The following ALK variants were observed in gnomAD, a reference collection of about 807,000 sequenced individuals.
The protein encoded by ALK is ALK receptor tyrosine kinase.
A neutral mutation model predicts 163.1 loss-of-function variants in ALK; 74 were observed. The observed-to-expected ratio is 0.45, with a 90% CI of 0.38 to 0.55. ALK has a LOEUF of 0.55. Among genes scored for constraint, ALK ranks in the 20% least tolerant of loss-of-function variants. ALK has a pLI of 0.00. For synonymous variants in ALK, 960 were observed against 843.2 expected, an observed-to-expected ratio of 1.14 and a Z score of -2.40; for missense variants, 2,063 against 2,105.3, an observed-to-expected ratio of 0.98 and a Z score of 0.39.
intron 1 of ALK, among the ~76,000 whole-genome samples, chr2:29,835,399 C>G (rs563802753): frequency 1.3e-5 from 2 of 152,314 alleles, no homozygotes; most frequent in East Asian, 3.9e-4. Context: ...CCATGCCATT[C>G]TTACAAGAGA....
At chr2:29,832,722 T>C (rs544079559) in intron 1 of ALK, among the ~76,000 whole-genome samples, 9 of 152,340 alleles carry the variant, frequency 5.9e-5, no homozygotes, top group African/African-American at 2.2e-4. Flanking sequence ...CCATCCAGCC[T>C]ACAAATACTT....
At position 29,857,033 on chromosome 2, in the gene ALK, G is replaced by A. The variant is rs188064636; in HGVS notation, c.667+62960C>T. On this transcript the variant is annotated intron_variant, in intron 1 of 28. Coordinates refer to ENST00000389048, the MANE Select transcript of ALK (RefSeq NM_004304.5). ...GGGATTTAGCAAATATAGGACTCTG[G>A]CCTAAAGGCAGGAAACATCCGGAGG... Among the ~76,000 whole-genome samples, 492 of 152,292 alleles carry A rather than the reference G, an allele frequency of 3.2e-3. 1 individual carries two copies. Among genetic ancestry groups the A allele is most frequent in the South Asian group, 6.6e-3 (32 of 4,824 alleles).
intron 3 of ALK, among the ~76,000 whole-genome samples, chr2:29,688,003 T>A (rs10185311): frequency 0.068 from 10,391 of 152,280 alleles, 1,089 homozygotes; most frequent in African/African-American, 0.23. Context: ...GGTATGTCAG[T>A]TGAAATGGAA....
intron 5 of ALK, among the ~76,000 whole-genome samples, chr2:29,376,708 G>C (rs1434034075): frequency 2.0e-5 from 3 of 152,242 alleles, no homozygotes; most frequent in Non-Finnish European, 4.4e-5. Flanking sequence ...GCTGTTGGAA[G>C]AGAAAATGCC....
intron 4 of ALK, among the ~76,000 whole-genome samples, chr2:29,466,083 A>T (rs577656466): frequency 6.6e-6 from 1 of 152,356 alleles, no homozygotes; most frequent in African/African-American, 2.4e-5. Flanking sequence ...ATATTAAAAA[A>T]GAAAGATATA....
intron 9 of ALK, among the ~76,000 whole-genome samples, chr2:29,285,402 A>G (rs1013960519): frequency 6.6e-6 from 1 of 151,908 alleles, no homozygotes; most frequent in African/African-American, 2.4e-5. Context: ...CAGGTACGCC[A>G]CCTTGCCCAG....
intron 4 of ALK, among the ~76,000 whole-genome samples, chr2:29,453,791 A>C (rs1293470312): frequency 6.6e-6 from 1 of 152,112 alleles, no homozygotes; most frequent in Non-Finnish European, 1.5e-5. Context: ...GTTTTGGGAA[A>C]ATTTGAGGTA....
chr2:29,227,658 A>C lies in ALK; in HGVS notation c.2830T>G (p.Ser944Ala). The change falls in exon 17 of 29, where the codon TCA becomes GCA. Residue 944 changes from serine to alanine, a missense_variant. Around this residue, in one of 5 missense-constraint regions of ALK, gnomAD observed 575 missense variants for 626.6 expected, o/e 0.92. Coordinates refer to ENST00000389048, the MANE Select transcript of ALK (RefSeq NM_004304.5). This position sits in a 1 kb window ranked among gnomAD's most constrained non-coding sequence, Gnocchi z 4.4. ...GGGYIGGNAA[S>A]NNDPEMDGED... is the part of the protein sequence containing the mutation. ...CCATCCATTTCGGGGTCATTGTTTGAGGCTGCATTGCCGCCTGAGTAGCAA... is the reference window on the plus strand; with the variant it reads ...CCATCCATTTCGGGGTCATTGTTTGCGGCTGCATTGCCGCCTGAGTAGCAA... 1 of 1,613,940 alleles carries C rather than the reference A, an allele frequency of 6.2e-7. No individual in the cohort carries two copies. Among genetic ancestry groups the C allele is most frequent in the Non-Finnish European group, 8.5e-7 (1 of 1,180,012 alleles).
At chr2:29,818,057 T>C (rs1664944265) in intron 1 of ALK, among the ~76,000 whole-genome samples, 1 of 152,200 alleles carries the variant, frequency 6.6e-6, no homozygotes, top group Non-Finnish European at 1.5e-5. Flanking sequence ...GCATTACAGA[T>C]ACCCTCTTGG....
chr2:29,509,135 G>C (rs962737061), intron 4 of ALK, among the ~76,000 whole-genome samples: 2 of 152,146 alleles, frequency 1.3e-5, no homozygotes, highest in African/African-American at 4.8e-5. Flanking sequence ...GAAACTTCTA[G>C]AGGGAAAAGA....
chr2:29,838,906 T>A (rs1428296429), intron 1 of ALK, among the ~76,000 whole-genome samples: 2 of 152,194 alleles, frequency 1.3e-5, no homozygotes, highest in Non-Finnish European at 2.9e-5. Flanking sequence ...TTTCATGGTA[T>A]ATAAATTATT....
At chr2:29,769,782 G>A (rs1488235203) in intron 1 of ALK, among the ~76,000 whole-genome samples, 3 of 152,194 alleles carry the variant, frequency 2.0e-5, no homozygotes, top group Admixed American at 6.5e-5. Context: ...ATGTGCAAGG[G>A]TAAAGAAAAT....
At chr2:29,222,165 C>T (rs1005775887) in intron 22 of ALK, among the ~76,000 whole-genome samples, 179 bp downstream of exon 22, 3 of 152,182 alleles carry the variant, frequency 2.0e-5, no homozygotes, top group Non-Finnish European at 4.4e-5. Flanking sequence ...AAACAACCAT[C>T]AAGGGTTGTT....
intron 3 of ALK, among the ~76,000 whole-genome samples, chr2:29,653,645 G>A (rs747189572): frequency 2.6e-5 from 4 of 152,186 alleles, no homozygotes; most frequent in African/African-American, 7.2e-5. Context: ...CTCAATAAAT[G>A]TCAGGCAGGA....
At chr2:29,541,691 T>TG (rs1219993024) in intron 3 of ALK, among the ~76,000 whole-genome samples, 2 of 152,210 alleles carry the variant, frequency 1.3e-5, no homozygotes, top group African/African-American at 2.4e-5. Context: ...AATGGCTGCT[T>TG]GGAGAGTCAG....
chr2:29,845,596 G>T (rs972107730), intron 1 of ALK, among the ~76,000 whole-genome samples: 2 of 152,054 alleles, frequency 1.3e-5, no homozygotes, highest in African/African-American at 4.8e-5. Flanking sequence ...CATCATGACC[G>T]GCCAATTTTG....
chr2:29,712,087 G>T (rs972571928), intron 2 of ALK, among the ~76,000 whole-genome samples: 1 of 152,090 alleles, frequency 6.6e-6, no homozygotes, highest in African/African-American at 2.4e-5. Flanking sequence ...TTTTAAACAT[G>T]TCTCTCCTCG....
At chr2:29,362,291 CTTCT>C (rs1668405648) in intron 5 of ALK, among the ~76,000 whole-genome samples, 1 of 152,116 alleles carries the variant, frequency 6.6e-6, no homozygotes, top group Non-Finnish European at 1.5e-5. Context: ...TCCTTCCTTC[CTTCT>C]TTCTTTCCTG....
In ALK at chr2:29,227,473, G is replaced by A; in HGVS notation, c.2914+101C>T. 3 of 1,049,444 alleles carry A rather than the reference G, an allele frequency of 2.9e-6. No homozygotes were observed. Among genetic ancestry groups the A allele is most frequent in the South Asian group, 1.3e-5 (1 of 79,664 alleles). The allele number at this position is 1,049,444 out of a possible 1,614,324, so 65.0% of individuals were successfully genotyped here. ...GCTTGCCTGCCAGGGACCCATAATTGTGCCTCTGTATCCTGGATACAGGTC... is the reference window on the plus strand; with the variant it reads ...GCTTGCCTGCCAGGGACCCATAATTATGCCTCTGTATCCTGGATACAGGTC... On this transcript the variant is annotated intron_variant, in intron 17 of 28. Coordinates refer to ENST00000389048, the MANE Select transcript of ALK (RefSeq NM_004304.5). This position sits in a 1 kb window ranked among gnomAD's most constrained non-coding sequence, Gnocchi z 4.4.
Sources: allele counts gnomAD v4.1 joint callset (sites outside exome capture counted in the v4.1 genomes callset), GRCh38; gene constraint gnomAD v4.1.1; regional missense constraint gnomAD v4.1.1; non-coding constraint Gnocchi (gnomAD v3.1); transcripts MANE v1.5; gene names NCBI Gene and HGNC (gene_info 2026-07-23, HGNC 2026-07-21).